Variants in ENO1 observed in about 807,000 individuals in gnomAD.
The protein encoded by ENO1 is enolase 1.
Under a neutral mutation model 46.3 loss-of-function variants are expected in ENO1, and 33 were observed. The observed-to-expected ratio is 0.71, with a 90% CI of 0.54 to 0.95. The LOEUF is 0.95. ENO1 is among the 40% of genes least tolerant of loss of function. The pLI is 0.00. For synonymous variants in ENO1, 220 were observed against 216.0 expected (o/e 1.02, Z -0.16); for missense variants, 488 against 553.3 (o/e 0.88, Z 1.18).
At chr1:8,870,920 G>C in intron 3 of ENO1, 2 of 1,256,446 alleles carry the variant, frequency 1.6e-6, no homozygotes, top group Non-Finnish European at 2.0e-6. Context: ...AAATGAGAGA[G>C]ACTCAGAAGA....
intron 10 of ENO1, 51 bp downstream of exon 10, chr1:8,863,184 C>T (rs1346744583): frequency 6.3e-7 from 1 of 1,599,696 alleles, no homozygotes; most frequent in Non-Finnish European, 8.5e-7. Context: ...GGTTTTGGGT[C>T]TTCCTAGGAA....
At chr1:8,871,418 C>T (rs374111683) in intron 3 of ENO1, 2 of 997,050 alleles carry the variant, frequency 2.0e-6, no homozygotes, top group Non-Finnish European at 1.2e-6. Context: ...ATGAGTCAGT[C>T]AACAGGAAAA....
At chr1:8,862,043 G>A (rs1291292852) in intron 11 of ENO1, among the ~76,000 whole-genome samples, 1 of 152,116 alleles carries the variant, frequency 6.6e-6, no homozygotes, top group Non-Finnish European at 1.5e-5. Flanking sequence ...AGCTACTCGG[G>A]AGGCTCAGAC....
intron 1 of ENO1, chr1:8,877,417 TG>T (rs1160627325): frequency 6.6e-6 from 1 of 151,996 alleles, no homozygotes. Flanking sequence ...TTTAGCTGCC[TG>T]GATGGAACCC....
intron 4 of ENO1, 40 bp from the exon 5 acceptor site, chr1:8,868,097 T>G: frequency 7.0e-7 from 1 of 1,437,682 alleles, no homozygotes; most frequent in Non-Finnish European, 9.8e-7. Context: ...GGGGCCACTC[T>G]TATCTGCATA....
intron 1 of ENO1, among the ~76,000 whole-genome samples, chr1:8,877,036 C>A (rs1189850197): frequency 6.6e-6 from 1 of 151,030 alleles, no homozygotes; most frequent in African/African-American, 2.4e-5. Flanking sequence ...TTCGCCCAGG[C>A]TAGAGTGCAG....
intron 4 of ENO1, among the ~76,000 whole-genome samples, chr1:8,869,082 C>A (rs1303867611): frequency 6.6e-6 from 1 of 152,142 alleles, no homozygotes; most frequent in East Asian, 1.9e-4. Context: ...CAAAGAAAAT[C>A]AACTCTGATC....
rs1167666618 is a variant in ENO1, at chr1:8,874,589, A to AAAAG, written c.85+234_85+235insCTTT. On this transcript the variant is annotated intron_variant, in intron 2 of 11. Coordinates refer to ENST00000234590, the MANE Select transcript of ENO1 (RefSeq NM_001428.5). Reference sequence around the variant, plus strand: ...CAAGACTCCATCTCAAAAAAAAAAAAAAAAAAAAAAAGAAAAAGAAAAAGA... The same window carrying AAAAG: ...CAAGACTCCATCTCAAAAAAAAAAAAAAAGAAAAAAAAAAAGAAAAAGAAAAAGA... 3.0e-4 allele frequency among the ~76,000 whole-genome samples: 45 copies of AAAAG among 150,336 alleles called. 2 individuals are homozygous for AAAAG. The highest frequency in any genetic ancestry group is 1.1e-3 in the African/African-American group (44 of 41,002).
chr1:8,874,592 A>AAAAG (rs1642698049), intron 2 of ENO1, among the ~76,000 whole-genome samples: 1 of 150,358 alleles, frequency 6.7e-6, no homozygotes, highest in Admixed American at 6.6e-5. Context: ...AAAAAAAAAA[A>AAAAG]AAAAAAAAGA....
chr1:8,868,659 A>C (rs571852080), intron 4 of ENO1, among the ~76,000 whole-genome samples: 2 of 152,348 alleles, frequency 1.3e-5, no homozygotes, highest in African/African-American at 2.4e-5. Flanking sequence ...AAAGTAATCC[A>C]ATAAAAATCA....
At chr1:8,870,624 T>C (rs1315091974) in intron 3 of ENO1, 114 bp from the exon 4 acceptor site, 3 of 1,544,368 alleles carry the variant, frequency 1.9e-6, no homozygotes, top group Non-Finnish European at 2.6e-6. Context: ...AGGGACCTTC[T>C]GTGGGACCTC....
chr1:8,868,848 ATT>A lies in ENO1; in HGVS notation c.241-793_241-792del, dbSNP rs35848392. On this transcript the variant is annotated intron_variant, in intron 4 of 11. Coordinates refer to ENST00000234590, the MANE Select transcript of ENO1 (RefSeq NM_001428.5). ...ACCATCATGCCTGGCTAATTTTTAT[ATT>A]TTTTTTTTATAGAGATGGGCTTTGC... Among the ~76,000 whole-genome samples the A allele has an allele frequency of 6.7e-5, 10 of 149,252 alleles. No individual in the cohort carries two copies. The East Asian group carries it at 2.0e-3, about 29-fold the overall frequency.
chr1:8,862,314 A>G lies in ENO1; in HGVS notation c.1235+573T>C, dbSNP rs1014731793. ...GTCTACTGTTCACCTGCTTTTTTGT[A>G]TATGTTTGAAAATTTCCAGGATACA... On this transcript the variant is annotated intron_variant, in intron 11 of 11. Coordinates refer to ENST00000234590, the MANE Select transcript of ENO1 (RefSeq NM_001428.5). 4.6e-5 allele frequency among the ~76,000 whole-genome samples: 7 copies of G among 151,838 alleles called. No homozygotes were observed. In the South Asian group the frequency reaches 6.2e-4, roughly 14 times the overall value.
At chr1:8,871,259 G>A (rs1045099468) in intron 3 of ENO1, 3 of 1,009,482 alleles carry the variant, frequency 3.0e-6, no homozygotes, top group East Asian at 9.7e-5. Flanking sequence ...GGAGTTTTCC[G>A]GGTGCCCCAC....
At chr1:8,864,371 G>A (rs1642468107) in intron 8 of ENO1, among the ~76,000 whole-genome samples, 1 of 152,230 alleles carries the variant, frequency 6.6e-6, no homozygotes, top group Admixed American at 6.5e-5. Flanking sequence ...TGCAATCATA[G>A]CTAAGTGCAG....
chr1:8,866,175 G>A, intron 7 of ENO1, 104 bp downstream of exon 7: 1 of 972,924 alleles, frequency 1.0e-6, no homozygotes, highest in Non-Finnish European at 1.6e-6. Context: ...ACAAACTACA[G>A]GTGGAAAGAA....
intron 6 of ENO1, among the ~76,000 whole-genome samples, 191 bp downstream of exon 6, chr1:8,866,926 C>T (rs747411115): frequency 2.6e-5 from 4 of 152,202 alleles, no homozygotes; most frequent in Non-Finnish European, 5.9e-5. Context: ...CTCCCCGAGC[C>T]TCCATTGCAG....
intron 11 of ENO1, 111 bp downstream of exon 11, chr1:8,862,776 C>T: frequency 8.0e-7 from 1 of 1,253,502 alleles, no homozygotes; most frequent in East Asian, 2.5e-5. Context: ...TGCACCTGCA[C>T]CTGTACATGT....
At chr1:8,865,074 C>T (rs1044050407) in intron 8 of ENO1, among the ~76,000 whole-genome samples, 3 of 152,198 alleles carry the variant, frequency 2.0e-5, no homozygotes, top group African/African-American at 7.2e-5. Flanking sequence ...GCTGCTGGCA[C>T]CCGAGCTCCT....
Sources: allele counts gnomAD v4.1 joint callset (sites outside exome capture counted in the v4.1 genomes callset), GRCh38; gene constraint gnomAD v4.1.1; transcripts MANE v1.5; gene names NCBI Gene and HGNC (gene_info 2026-07-23, HGNC 2026-07-21).